EDIL3: variants seen among roughly 807,000 people sequenced by gnomAD.
The protein encoded by EDIL3 is EGF-like repeat and discoidin I-like domain-containing protein 3.
EDIL3 carries 37 observed loss-of-function variants against 67.4 expected under a neutral mutation model. The ratio of observed to expected loss-of-function variants is 0.55; its 90% CI spans 0.42 to 0.72. The LOEUF is 0.72. EDIL3 is among the 30% of genes least tolerant of loss of function. EDIL3 has a pLI of 0.00. For synonymous variants in EDIL3, 195 were observed against 196.3 expected, an observed-to-expected ratio of 0.99 and a Z score of 0.05; for missense variants, 527 against 586.3, an observed-to-expected ratio of 0.90 and a Z score of 1.04.
At chr5:84,267,866 G>A (rs1022624362) in intron 1 of EDIL3, among the ~76,000 whole-genome samples, 25 of 152,246 alleles carry the variant, frequency 1.6e-4, no homozygotes, top group Admixed American at 6.5e-5. Context: ...GCCAGGCTCT[G>A]TGGCTCATGC....
intron 3 of EDIL3, among the ~76,000 whole-genome samples, chr5:84,207,899 A>T (rs1744019966): frequency 2.0e-5 from 3 of 152,326 alleles, no homozygotes; most frequent in African/African-American, 7.2e-5. Context: ...AATTAATTCA[A>T]GATGGATTAA....
At chr5:84,169,173 A>G (rs1460386193) in intron 4 of EDIL3, among the ~76,000 whole-genome samples, 2 of 152,104 alleles carry the variant, frequency 1.3e-5, no homozygotes, top group Admixed American at 1.3e-4. Context: ...CTTACAAAAC[A>G]TAACAAAACT....
At chr5:84,332,279 G>A (rs897313264) in intron 1 of EDIL3, among the ~76,000 whole-genome samples, 1 of 152,156 alleles carries the variant, frequency 6.6e-6, no homozygotes, top group Admixed American at 6.5e-5. Flanking sequence ...GGCTGAGGCA[G>A]AAGGATCACT....
intron 9 of EDIL3, among the ~76,000 whole-genome samples, chr5:84,055,369 A>G (rs1746423600): frequency 6.8e-6 from 1 of 146,648 alleles, no homozygotes; most frequent in African/African-American, 2.7e-5. Context: ...AAGAAAACCT[A>G]GGCTATACCA....
intron 4 of EDIL3, among the ~76,000 whole-genome samples, chr5:84,161,259 G>C (rs927922479): frequency 6.6e-6 from 1 of 151,910 alleles, no homozygotes; most frequent in Non-Finnish European, 1.5e-5. Flanking sequence ...GTGTTAAATA[G>C]ATAAACTGTT....
intron 9 of EDIL3, among the ~76,000 whole-genome samples, chr5:84,027,474 C>G (rs1745836558): frequency 1.3e-5 from 2 of 152,080 alleles, no homozygotes; most frequent in South Asian, 4.2e-4. Context: ...AGTTGGCATC[C>G]CTTCTGGAAG....
chr5:84,065,993 T>C (rs1368994177), intron 7 of EDIL3, among the ~76,000 whole-genome samples: 1 of 151,528 alleles, frequency 6.6e-6, no homozygotes, highest in Admixed American at 6.6e-5. Flanking sequence ...TGGGCACCTG[T>C]AGTCCCAGCT....
At chr5:84,088,204 A>G (rs1029353459) in intron 6 of EDIL3, among the ~76,000 whole-genome samples, 2 of 152,232 alleles carry the variant, frequency 1.3e-5, no homozygotes, top group African/African-American at 2.4e-5. Flanking sequence ...GCTGCTCAAC[A>G]AATATTCATT....
At chr5:84,065,317 A>G (rs535374978) in intron 7 of EDIL3, among the ~76,000 whole-genome samples, 26 of 152,142 alleles carry the variant, frequency 1.7e-4, no homozygotes, top group Non-Finnish European at 2.9e-4. Context: ...CATGAAGATT[A>G]TGTCTTCATC....
chr5:84,075,757 G>A (rs1483641120), intron 6 of EDIL3, among the ~76,000 whole-genome samples: 1 of 151,928 alleles, frequency 6.6e-6, no homozygotes, highest in East Asian at 1.9e-4. Flanking sequence ...TTACAGGTGT[G>A]AGCCACTGTG....
intron 9 of EDIL3, among the ~76,000 whole-genome samples, chr5:84,058,502 G>A (rs1037376084): frequency 1.3e-5 from 2 of 152,134 alleles, no homozygotes; most frequent in African/African-American, 4.8e-5. Context: ...GTAGCAGTGG[G>A]GATGGTAAGA....
At chr5:83,963,655 G>GT (rs10708401) in intron 9 of EDIL3, among the ~76,000 whole-genome samples, 3,005 of 133,084 alleles carry the variant, frequency 0.023, 41 homozygotes, top group Non-Finnish European at 0.03. Context: ...ATTTGTGCAG[G>GT]TTTTTTTTTT....
At chr5:84,103,442 A>G (rs1466970530) in intron 6 of EDIL3, among the ~76,000 whole-genome samples, 1 of 152,102 alleles carries the variant, frequency 6.6e-6, no homozygotes, top group African/African-American at 2.4e-5. Context: ...AACCTACCGA[A>G]TGGAAGAAAA....
chr5:84,032,593 C>A (rs543538235), intron 9 of EDIL3, among the ~76,000 whole-genome samples: 2 of 151,934 alleles, frequency 1.3e-5, no homozygotes, highest in East Asian at 1.9e-4. Context: ...GTAGACATAG[C>A]AAAATTTTGT....
chr5:84,229,619 A>G (rs188282864), intron 3 of EDIL3, among the ~76,000 whole-genome samples: 115 of 151,796 alleles, frequency 7.6e-4, no homozygotes, highest in African/African-American at 2.7e-3. Context: ...TTTGTATTGT[A>G]TTTTCCTCTG....
rs541735814 is a variant in EDIL3, at chr5:84,238,670, T to G, written c.197-8786A>C. The stretch of plus-strand genomic sequence containing the variant: ...AACAGGAGCTAAAATTAAATGTTTT[T>G]TTTTTTTTTTTTTCAGAATCATTAG... On this transcript the variant is annotated intron_variant, in intron 2 of 10. Transcript: ENST00000296591. Among the ~76,000 whole-genome samples the G allele has an allele frequency of 6.7e-5, 10 of 148,536 alleles. No homozygotes were observed. The South Asian group carries it at 2.2e-3, about 32-fold the overall frequency.
chr5:84,171,681 G>T (rs1193725973), intron 4 of EDIL3, among the ~76,000 whole-genome samples: 1 of 152,122 alleles, frequency 6.6e-6, no homozygotes, highest in Non-Finnish European at 1.5e-5. Context: ...CCCAAGCTTG[G>T]TTTCTCTTTG....
intron 2 of EDIL3, among the ~76,000 whole-genome samples, chr5:84,235,782 T>C (rs1744670597): frequency 6.6e-6 from 1 of 151,954 alleles, no homozygotes; most frequent in Non-Finnish European, 1.5e-5. Context: ...TATAAATATA[T>C]ACATAATTAT....
At chr5:84,218,972 C>CCTGCTG (rs1744286268) in intron 3 of EDIL3, among the ~76,000 whole-genome samples, 1 of 152,186 alleles carries the variant, frequency 6.6e-6, no homozygotes, top group Non-Finnish European at 1.5e-5. Flanking sequence ...GGCTTTGTCA[C>CCTGCTG]CTGCTGATTG....
Sources: gnomAD v4.1 joint callset for allele counts (sites outside exome capture counted in the v4.1 genomes callset) on GRCh38, gnomAD v4.1.1 for gene constraint, MANE v1.5 for transcripts, NCBI Gene and HGNC (gene_info 2026-07-23, HGNC 2026-07-21) for gene names.